KIF24: variants seen among roughly 807,000 people sequenced by gnomAD.
KIF24 encodes the protein kinesin-like protein KIF24.
A neutral mutation model predicts 118.9 loss-of-function variants in KIF24; 81 were observed. The ratio of observed to expected loss-of-function variants is 0.68; its 90% CI spans 0.57 to 0.82. KIF24 has a LOEUF of 0.82. KIF24 is among the 40% of genes least tolerant of loss of function. The pLI is 0.00. For missense variants in KIF24, 1,560 were observed against 1,661.6 expected (o/e 0.94, Z 1.06); for synonymous variants, 599 against 610.0 (o/e 0.98, Z 0.27).
chr9:34,269,463 A>T (rs1012566120), intron 7 of KIF24, 101 bp from the exon 8 acceptor site: 3 of 516,354 alleles, frequency 5.8e-6, no homozygotes, highest in Non-Finnish European at 9.3e-6. Context: ...TCTGTCGCCC[A>T]GGCTGGAGTG....
intron 1 of KIF24, chr9:34,319,546 A>G (rs763795307): frequency 5.2e-6 from 6 of 1,147,020 alleles, no homozygotes; most frequent in Non-Finnish European, 7.8e-6. Flanking sequence ...AAGCTGTTCT[A>G]CTCCGACCAC....
upstream of KIF24, among the ~76,000 whole-genome samples, chr9:34,331,152 T>C (rs901642352): frequency 1.3e-5 from 2 of 152,202 alleles, no homozygotes; most frequent in African/African-American, 4.8e-5. Context: ...AGTTTCTATA[T>C]TAAAAGGAAT....
At chr9:34,320,525 G>T (rs1429677985) in intron 1 of KIF24, among the ~76,000 whole-genome samples, 1 of 151,228 alleles carries the variant, frequency 6.6e-6, no homozygotes, top group Non-Finnish European at 1.5e-5. Flanking sequence ...GGGCATGGTG[G>T]CGGGCACCTG....
chr9:34,321,593 CA>C (rs1475067735), intron 1 of KIF24, among the ~76,000 whole-genome samples: 1 of 135,908 alleles, frequency 7.4e-6, no homozygotes. Context: ...TACATACATA[CA>C]TACTTCTTCT....
intron 3 of KIF24, among the ~76,000 whole-genome samples, chr9:34,301,030 T>C (rs1011169624): frequency 6.6e-5 from 10 of 152,208 alleles, no homozygotes; most frequent in Admixed American, 2.0e-4. Context: ...AGGGAATTAG[T>C]ATCTTTCCTT....
At chr9:34,297,488 C>T (rs570925378) in intron 3 of KIF24, among the ~76,000 whole-genome samples, 8 of 152,220 alleles carry the variant, frequency 5.3e-5, no homozygotes, top group South Asian at 4.1e-4. Context: ...TGTGATCTGG[C>T]GCAGTGGCTC....
chr9:34,327,895 G>A (rs1189126960), intron 1 of KIF24, among the ~76,000 whole-genome samples: 2 of 151,658 alleles, frequency 1.3e-5, no homozygotes, highest in Non-Finnish European at 2.9e-5. Context: ...GCCACCCACA[G>A]TGAATTAGAG....
intron 6 of KIF24, among the ~76,000 whole-genome samples, chr9:34,283,693 G>C (rs113854534): frequency 6.6e-6 from 1 of 151,962 alleles, no homozygotes; most frequent in African/African-American, 2.4e-5. Context: ...TATACAAATC[G>C]ACAAGGAAAA....
intron 6 of KIF24, among the ~76,000 whole-genome samples, chr9:34,277,310 G>T (rs865907952): frequency 1.3e-5 from 2 of 152,112 alleles, no homozygotes; most frequent in Non-Finnish European, 2.9e-5. Context: ...AAGGAACACA[G>T]AGAAGCTAAG....
chr9:34,275,887 G>A (rs965158106), intron 6 of KIF24, among the ~76,000 whole-genome samples: 5 of 152,084 alleles, frequency 3.3e-5, no homozygotes, highest in South Asian at 2.1e-4. Flanking sequence ...AATGTTAGGC[G>A]AATACAAAGA....
At chr9:34,315,222 A>G (rs1478709615) in intron 1 of KIF24, among the ~76,000 whole-genome samples, 1 of 152,056 alleles carries the variant, frequency 6.6e-6, no homozygotes, top group Non-Finnish European at 1.5e-5. Flanking sequence ...ATATATTTCT[A>G]AATAAAAAAT....
rs187826056 is a variant in KIF24, at chr9:34,254,632, C to A, written c.3967-112G>T. 16 of 1,089,058 alleles carry A rather than the reference C, an allele frequency of 1.5e-5. No homozygotes were observed. In the Admixed American group the frequency reaches 3.0e-4, roughly 21 times the overall value. 67.5% of individuals were successfully genotyped at this position (1,089,058 alleles called of 1,614,324 possible). ...AAGTTTCAGAACCCAGGCCACTCTT[C>A]CAGCGGGAGAACATGTAGGATAGTT... is the stretch of plus-strand genomic sequence containing the variant. On this transcript the variant is annotated intron_variant, in intron 12 of 12. Coordinates refer to ENST00000402558, the MANE Select transcript of KIF24 (RefSeq NM_194313.4).
Position 34,254,061 on chromosome 9 carries a change from T to G in KIF24, c.*319A>C. On this transcript the variant is annotated 3_prime_UTR_variant, in exon 13 of 13. Transcript: ENST00000402558. ...ATCCCCAAACTTAGAAACTTCAGGG[T>G]TATTAGACCCAAATATATTCCCACA... The G allele has an allele frequency of 4.6e-6, 1 of 215,442 alleles. No individual in the cohort carries two copies. Among genetic ancestry groups the G allele is most frequent in the Non-Finnish European group, 9.1e-6 (1 of 110,040 alleles). The allele number at this position is 215,442 out of a possible 1,614,324, so 13.3% of individuals were successfully genotyped here.
chr9:34,265,819 T>C (rs1835263621), intron 8 of KIF24, among the ~76,000 whole-genome samples: 1 of 152,132 alleles, frequency 6.6e-6, no homozygotes, highest in Non-Finnish European at 1.5e-5. Flanking sequence ...AACATTTAAA[T>C]AAATTAAATA....
At chr9:34,302,469 A>AT (rs34131990) in intron 3 of KIF24, among the ~76,000 whole-genome samples, 67,618 of 138,480 alleles carry the variant, frequency 0.49, 18,515 homozygotes, top group South Asian at 0.64. Flanking sequence ...ACGCTTGGCA[A>AT]TTTTTTTTTT....
chr9:34,285,823 T>TGG (rs1836026319), intron 6 of KIF24, among the ~76,000 whole-genome samples: 1 of 138,708 alleles, frequency 7.2e-6, no homozygotes, highest in Admixed American at 7.2e-5. Context: ...TGTGGTGGCA[T>TGG]GTGCCTGCAG....
chr9:34,328,746 G>A (rs1837764010), intron 1 of KIF24, among the ~76,000 whole-genome samples: 1 of 152,192 alleles, frequency 6.6e-6, no homozygotes. Flanking sequence ...TGGGAAAAGG[G>A]AAGCGAACGG....
At chr9:34,306,682 A>G (rs1048663042) in intron 2 of KIF24, among the ~76,000 whole-genome samples, 1 of 152,076 alleles carries the variant, frequency 6.6e-6, no homozygotes, top group African/African-American at 2.4e-5. Context: ...TGCGCCTGTA[A>G]TCCCAGCTAC....
chr9:34,261,909 A>G (rs1334791713), intron 9 of KIF24, among the ~76,000 whole-genome samples: 2 of 152,120 alleles, frequency 1.3e-5, no homozygotes. Flanking sequence ...TTCAATGCAA[A>G]GGCTTAGAGA....
Sources: gnomAD v4.1 joint callset for allele counts (sites outside exome capture counted in the v4.1 genomes callset) on GRCh38, gnomAD v4.1.1 for gene constraint, MANE v1.5 for transcripts, NCBI Gene and HGNC (gene_info 2026-07-23, HGNC 2026-07-21) for gene names.